The following OR2C3 variants were observed in gnomAD, a reference collection of about 807,000 sequenced individuals.
OR2C3 encodes the protein olfactory receptor 2C3.
For synonymous variants in OR2C3, 178 were observed against 163.4 expected, an observed-to-expected ratio of 1.09 and a Z score of -0.68; for missense variants, 425 against 401.5, an observed-to-expected ratio of 1.06 and a Z score of -0.50.
chr1:247,531,784 G>T lies in OR2C3; in HGVS notation c.728C>A (p.Ser243Tyr), dbSNP rs767243257. The change falls in exon 3 of 3, where the codon TCT becomes TAT. Residue 243 changes from serine (S) to tyrosine (Y), a missense_variant. Physicochemically the swap from Ser to Tyr is moderately radical, Grantham distance 144 (BLOSUM62 -2). Coordinates refer to ENST00000641802, the MANE Select transcript of OR2C3 (RefSeq NM_198074.6). ...CAGAGACACCACAGCCACGTGGGAA[G>T]AACAGGTGTTGAATGCCTTTCTCCG... ...EGRRKAFNTC[S>Y]SHVAVVSLFY... 1.2e-6 allele frequency: 2 copies of T among 1,614,194 alleles called. No homozygotes were observed. Among genetic ancestry groups the T allele is most frequent in the South Asian group, 2.2e-5 (2 of 91,074 alleles).
chr1:247,535,384 T>C (rs553142759), intron 1 of OR2C3, among the ~76,000 whole-genome samples: 3 of 152,288 alleles, frequency 2.0e-5, no homozygotes, highest in South Asian at 2.1e-4. Context: ...GTTTTCATCA[T>C]GTGAATGTGA....
At position 247,531,875 on chromosome 1, in the gene OR2C3, C is replaced by T. The variant is rs767333048; in HGVS notation, c.637G>A (p.Gly213Arg). 1.2e-6 allele frequency: 2 copies of T among 1,614,176 alleles called. No homozygotes were observed. The highest frequency in any genetic ancestry group is 3.3e-5 in the Admixed American group (2 of 60,026). Residue 213 changes from glycine (G) to arginine (R), a missense_variant, in exon 3 of 3, where the codon GGG becomes AGG. Physicochemically the swap from Gly to Arg is moderately radical, Grantham distance 125. Coordinates refer to ENST00000641802, the MANE Select transcript of OR2C3 (RefSeq NM_198074.6). ...ASFVFVVLPLGLILVSYGHIA... is the reference protein window; with the variant it reads ...ASFVFVVLPLRLILVSYGHIA... ...TGGCCGTAAGAGACCAGGATGAGCCCCAGAGGCAGGACAACAAAGACAAAG... is the reference window on the plus strand; with the variant it reads ...TGGCCGTAAGAGACCAGGATGAGCCTCAGAGGCAGGACAACAAAGACAAAG...
chr1:247,527,873 A>G lies in OR2C3; in HGVS notation c.*3676T>C, dbSNP rs557279115. 6.6e-6 allele frequency: 1 copy of G among 152,246 alleles called. No homozygotes were observed. The highest frequency in any genetic ancestry group is 2.1e-4 in the South Asian group (1 of 4,830). 9.4% of individuals were successfully genotyped at this position (152,246 alleles called of 1,614,324 possible). A position where few individuals can be genotyped will look rare whatever the true frequency, so the allele number is the denominator to read the frequency against. ...AGCTGTAATTTTGTATCCTTTAACA[A>G]ATCTCTTCTCATTCCCCCACCCCTG... On this transcript the variant is annotated 3_prime_UTR_variant, in exon 3 of 3. Transcript: ENST00000641802. The surrounding 1 kb of genome is among the most constrained non-coding windows in gnomAD (Gnocchi z 4.6).
chr1:247,532,424 T>C lies in OR2C3; in HGVS notation c.88A>G (p.Ile30Val). 1 of 1,614,044 alleles carries C rather than the reference T, an allele frequency of 6.2e-7. No individual in the cohort carries two copies. ...ACCATGTAAAAACTCAAGACAACTA[T>C]GAAGAGGACAGTTTCTAGTGAGGGT... ...TRPSLETVLFIVVLSFYMVSI... is the reference protein window; with the variant it reads ...TRPSLETVLFVVVLSFYMVSI... The change falls in exon 3 of 3, where the codon ATA (isoleucine) becomes GTA (valine). Residue 30 changes from isoleucine (I) to valine (V), a missense_variant. By Grantham distance (29) the Ile-to-Val change is conservative (BLOSUM62 3). Coordinates refer to ENST00000641802, the MANE Select transcript of OR2C3 (RefSeq NM_198074.6).
In OR2C3 at chr1:247,528,718, A is replaced by T. The variant is rs937963910; in HGVS notation, c.*2831T>A. ...AGGAGACAGGCACAGAAGTTTGGAT[A>T]TGCACTGATTTAGGAGCATTGGATA... On this transcript the variant is annotated 3_prime_UTR_variant, in exon 3 of 3. Transcript: ENST00000641802. The T allele has an allele frequency of 6.6e-5, 10 of 152,258 alleles. No homozygotes were observed. Among genetic ancestry groups the T allele is most frequent in the Admixed American group, 3.9e-4 (6 of 15,282 alleles). The allele number at this position is 152,258 out of a possible 1,614,324, so 9.4% of individuals were successfully genotyped here. A position where few individuals can be genotyped will look rare whatever the true frequency, so the allele number is the denominator to read the frequency against.
chr1:247,531,508 G>T lies in OR2C3; in HGVS notation c.*41C>A, dbSNP rs1666950796. ...CCTGTCTTCCAAGGTCACTTTGCTC[G>T]ATGTAAACTTGATCTTCCTTCTCAG... On this transcript the variant is annotated 3_prime_UTR_variant, in exon 3 of 3. Transcript: ENST00000641802. 1 of 1,578,200 alleles carries T rather than the reference G, an allele frequency of 6.3e-7. No individual in the cohort carries two copies. The highest frequency in any genetic ancestry group is 1.8e-5 in the Admixed American group (1 of 55,854).
At chr1:247,535,613 T>C (rs1334713720) in intron 1 of OR2C3, among the ~76,000 whole-genome samples, 1 of 152,214 alleles carries the variant, frequency 6.6e-6, no homozygotes, top group Non-Finnish European at 1.5e-5. Flanking sequence ...GTGTAAATGA[T>C]GCTGAGAGGA....
rs781088292 is a variant in OR2C3 at position 247,531,657 on chromosome 1, C to G, written c.855G>C (p.Ala285=). The change falls in exon 3 of 3, where the codon GCG becomes GCC. Residue 285 remains alanine, a synonymous_variant. Coordinates refer to ENST00000641802, the MANE Select transcript of OR2C3 (RefSeq NM_198074.6). Reference sequence around the variant, plus strand: ...TCAGGGTGTAAATAAGTGGGTTCAGCGCAGGAGTGACTACGGTGTAGAACA... The same window carrying G: ...TCAGGGTGTAAATAAGTGGGTTCAGGGCAGGAGTGACTACGGTGTAGAACA... ...IALFYTVVTP[A]LNPLIYTLRN... The G allele has an allele frequency of 9.3e-6, 15 of 1,614,154 alleles. No homozygotes were observed. In the South Asian group the frequency reaches 1.5e-4, roughly 17 times the overall value.
intron 1 of OR2C3, among the ~76,000 whole-genome samples, chr1:247,535,305 AC>A (rs375145339): frequency 1.3e-5 from 2 of 152,276 alleles, no homozygotes; most frequent in East Asian, 3.9e-4. Flanking sequence ...ACAGAGCAAG[AC>A]CCTGTCTCAA....
Position 247,526,777 on chromosome 1 carries a change from C to A in OR2C3, c.*4772G>T. On this transcript the variant is annotated 3_prime_UTR_variant, in exon 3 of 3. Transcript: ENST00000641802. This position sits in a 1 kb window ranked among gnomAD's most constrained non-coding sequence, Gnocchi z 4.8. The stretch of plus-strand genomic sequence containing the variant: ...AGAGGAATAAAAGAAAAGATGGAGC[C>A]TAGAAAATTCTGACATATTCGGCTG... 1 of 359,730 alleles carries A rather than the reference C, an allele frequency of 2.8e-6. No individual in the cohort carries two copies. Among genetic ancestry groups the A allele is most frequent in the Non-Finnish European group, 5.4e-6 (1 of 184,826 alleles). The allele number at this position is 359,730 out of a possible 1,614,324, so 22.3% of individuals were successfully genotyped here. A position where few individuals can be genotyped will look rare whatever the true frequency, so the allele number is the denominator to read the frequency against.
chr1:247,528,337 G>A lies in OR2C3; in HGVS notation c.*3212C>T, dbSNP rs1490715858. 6.6e-6 allele frequency: 1 copy of A among 152,160 alleles called. No individual in the cohort carries two copies. The highest frequency in any genetic ancestry group is 1.5e-5 in the Non-Finnish European group (1 of 68,036). 9.4% of individuals were successfully genotyped at this position (152,160 alleles called of 1,614,324 possible). ...ATACTTGTGTAATGATCAAATCAAG[G>A]TAATTAACATATCCATTACCTCAAA... On this transcript the variant is annotated 3_prime_UTR_variant, in exon 3 of 3. Transcript: ENST00000641802.
At position 247,528,256 on chromosome 1, in the gene OR2C3, T is replaced by A. The variant is rs1044353369; in HGVS notation, c.*3293A>T. 3.3e-5 allele frequency: 5 copies of A among 152,116 alleles called. No homozygotes were observed. Among genetic ancestry groups the A allele is most frequent in the African/African-American group, 1.2e-4 (5 of 41,404 alleles). The allele number at this position is 152,116 out of a possible 1,614,324, so 9.4% of individuals were successfully genotyped here. On this transcript the variant is annotated 3_prime_UTR_variant, in exon 3 of 3. Coordinates refer to ENST00000641802, the MANE Select transcript of OR2C3 (RefSeq NM_198074.6). Reference sequence around the variant, plus strand: ...AATTTCATTTTAGTTTGTTTTTAATTCACAAATAACAATTGTACACACTTA... The same window carrying A: ...AATTTCATTTTAGTTTGTTTTTAATACACAAATAACAATTGTACACACTTA...
chr1:247,531,713 T>C lies in OR2C3; in HGVS notation c.799A>G (p.Thr267Ala). 6.2e-7 allele frequency: 1 copy of C among 1,614,040 alleles called. No individual in the cohort carries two copies. Among genetic ancestry groups the C allele is most frequent in the Non-Finnish European group, 8.5e-7 (1 of 1,180,010 alleles). The change falls in exon 3 of 3, where the codon ACC becomes GCC. Residue 267 changes from threonine to alanine, a missense_variant. Transcript: ENST00000641802. ...IFMYLQPAKS[T>A]SHEQGKFIAL... ...ATGAACTTGCCCTGCTCATGGGAGG[T>C]GCTCTTGGCTGGCTGGAGATACATG... is the stretch of plus-strand genomic sequence containing the variant.
chr1:247,536,176 A>T lies in OR2C3; in HGVS notation c.-410T>A. On this transcript the variant is annotated 5_prime_UTR_variant, in exon 1 of 3. Transcript: ENST00000641802. The stretch of plus-strand genomic sequence containing the variant: ...TTCAAAATGTCACTTACTAATGGTG[A>T]GCTAGCAGCATCATCTCTATTTATG... 6.6e-6 allele frequency: 1 copy of T among 152,228 alleles called. No homozygotes were observed. The highest frequency in any genetic ancestry group is 1.5e-5 in the Non-Finnish European group (1 of 68,044). 9.4% of individuals were successfully genotyped at this position (152,228 alleles called of 1,614,324 possible).
intron 2 of OR2C3, 75 bp from the exon 3 acceptor site, chr1:247,532,615 AT>A (rs1200115826): frequency 4.7e-6 from 5 of 1,055,452 alleles, no homozygotes; most frequent in Non-Finnish European, 6.8e-6. Flanking sequence ...TTAAAAGTGT[AT>A]TTTAGTTCAT....
At chr1:247,535,403 A>G (rs1667179295) in intron 1 of OR2C3, among the ~76,000 whole-genome samples, 1 of 152,216 alleles carries the variant, frequency 6.6e-6, no homozygotes, top group Non-Finnish European at 1.5e-5. Context: ...GAGAGAGAAA[A>G]GATGAACTGG....
At chr1:247,532,628 T>C in intron 2 of OR2C3, 88 bp from the exon 3 acceptor site, 1 of 1,021,668 alleles carries the variant, frequency 9.8e-7, no homozygotes. Context: ...TTAGTTCATT[T>C]TATGTTATTC....
rs1291396135 is a variant in OR2C3, at chr1:247,525,228, A to G, written c.*6321T>C. 1 of 152,256 alleles carries G rather than the reference A, an allele frequency of 6.6e-6. No individual in the cohort carries two copies. Among genetic ancestry groups the G allele is most frequent in the Non-Finnish European group, 1.5e-5 (1 of 68,056 alleles). The allele number at this position is 152,256 out of a possible 1,614,324, so 9.4% of individuals were successfully genotyped here. A position where few individuals can be genotyped will look rare whatever the true frequency, so the allele number is the denominator to read the frequency against. ...GACTAAAGGTGATGGGGTTAAGCCC[A>G]TACACCAAGCAAACAATCAATCCTA... On this transcript the variant is annotated 3_prime_UTR_variant, in exon 3 of 3. Coordinates refer to ENST00000641802, the MANE Select transcript of OR2C3 (RefSeq NM_198074.6).
intron 2 of OR2C3, among the ~76,000 whole-genome samples, chr1:247,533,010 G>T (rs1002516163): frequency 1.3e-5 from 2 of 152,130 alleles, no homozygotes; most frequent in Non-Finnish European, 2.9e-5. Context: ...GTCAGGTAGA[G>T]GGTGGTCATT....
Sources: gnomAD v4.1 joint callset for allele counts (sites outside exome capture counted in the v4.1 genomes callset) on GRCh38, gnomAD v4.1.1 for gene constraint, Gnocchi (gnomAD v3.1) non-coding constraint, MANE v1.5 for transcripts, NCBI Gene and HGNC (gene_info 2026-07-23, HGNC 2026-07-21) for gene names.